Variants in CAB39 observed in about 807,000 individuals in gnomAD.
CAB39 encodes the protein calcium-binding protein 39.
Under a neutral mutation model 40.0 loss-of-function variants are expected in CAB39, and 8 were observed. That is an observed-to-expected ratio of 0.20 (90% confidence interval 0.12 to 0.36). CAB39 has a LOEUF of 0.36. Ranked by LOEUF, CAB39 falls within the 10% of genes least tolerant of loss-of-function variation. The pLI is 1.00. For missense variants in CAB39, 270 were observed against 401.1 expected, an observed-to-expected ratio of 0.67 and a Z score of 2.79; for synonymous variants, 156 against 141.6, an observed-to-expected ratio of 1.10 and a Z score of -0.72.
At chr2:230,744,219 C>G (rs961996060) in intron 1 of CAB39, among the ~76,000 whole-genome samples, 1 of 148,224 alleles carries the variant, frequency 6.7e-6, no homozygotes, top group East Asian at 2.1e-4. Flanking sequence ...GTGCCCAGCC[C>G]CATGATACAT....
At chr2:230,747,121 A>G (rs1434427869) in intron 1 of CAB39, among the ~76,000 whole-genome samples, 2 of 152,158 alleles carry the variant, frequency 1.3e-5, no homozygotes, top group Non-Finnish European at 2.9e-5. Context: ...GGGGAGGCCG[A>G]GGCAGGTGCA....
intron 1 of CAB39, among the ~76,000 whole-genome samples, chr2:230,752,573 A>C (rs1434595387): frequency 6.6e-6 from 1 of 152,214 alleles, no homozygotes; most frequent in Non-Finnish European, 1.5e-5. Context: ...CAGAGTCCTC[A>C]TGACCTAAAA....
intron 2 of CAB39, among the ~76,000 whole-genome samples, chr2:230,774,564 T>C (rs546923549): frequency 4.6e-5 from 7 of 152,314 alleles, no homozygotes; most frequent in African/African-American, 1.7e-4. Context: ...GCCCACCACA[T>C]GCTGTATAAA....
intron 1 of CAB39, among the ~76,000 whole-genome samples, chr2:230,734,157 G>A (rs190875628): frequency 1.3e-5 from 2 of 152,312 alleles, no homozygotes; most frequent in East Asian, 1.9e-4. Context: ...ACAAAACAGA[G>A]ATTTAGTAAA....
At chr2:230,817,377 G>A (rs536237919) in intron 7 of CAB39, among the ~76,000 whole-genome samples, 2 of 152,322 alleles carry the variant, frequency 1.3e-5, no homozygotes, top group East Asian at 3.9e-4. Context: ...AAGGTTTGTG[G>A]TTAGTTAACA....
intron 5 of CAB39, among the ~76,000 whole-genome samples, chr2:230,807,278 A>G (rs1162083824): frequency 6.6e-6 from 1 of 151,664 alleles, no homozygotes; most frequent in African/African-American, 2.4e-5. Flanking sequence ...TCACTAGGCT[A>G]AGGTTCCTTC....
Position 230,784,247 on chromosome 2 carries a change from C to T in CAB39, c.115-6625C>T, listed in dbSNP as rs146921105. On this transcript the variant is annotated intron_variant, in intron 2 of 8. Coordinates refer to ENST00000258418, the MANE Select transcript of CAB39 (RefSeq NM_016289.4). ...TCATCAGTGGTATCATTACATGAAACGGAACAAGGCAGGATATCAGGCACT... is the reference window on the plus strand; with the variant it reads ...TCATCAGTGGTATCATTACATGAAATGGAACAAGGCAGGATATCAGGCACT... Among the ~76,000 whole-genome samples the T allele has an allele frequency of 1.2e-4, 18 of 152,160 alleles. No individual in the cohort carries two copies. In the East Asian group the frequency reaches 2.3e-3, roughly 20 times the overall value.
intron 1 of CAB39, among the ~76,000 whole-genome samples, chr2:230,745,681 C>T (rs2124897201): frequency 6.6e-6 from 1 of 152,150 alleles, no homozygotes; most frequent in Non-Finnish European, 1.5e-5. Context: ...GGCTGGAGTG[C>T]AGTGGTGCCA....
intron 1 of CAB39, among the ~76,000 whole-genome samples, chr2:230,748,829 AAAATATATATATATATATATAT>A (rs1423176168): frequency 4.3e-4 from 20 of 46,428 alleles, no homozygotes; most frequent in South Asian, 3.0e-3. Context: ...AAAAAAAAAA[AAAATATATATATATATATATAT>A]ATATATATAT....
intron 2 of CAB39, among the ~76,000 whole-genome samples, chr2:230,777,560 C>T (rs1435513468): frequency 1.8e-4 from 27 of 151,824 alleles, no homozygotes; most frequent in Admixed American, 1.8e-3. Context: ...GCTGGGATTA[C>T]AGGTACCTGG....
chr2:230,721,883 A>G (rs1413884141), intron 1 of CAB39, among the ~76,000 whole-genome samples: 2 of 152,198 alleles, frequency 1.3e-5, no homozygotes, highest in Admixed American at 6.5e-5. Flanking sequence ...CCCAGGAAAT[A>G]CCCACAAACA....
chr2:230,812,030 A>G (rs911348574), intron 6 of CAB39, among the ~76,000 whole-genome samples: 42 of 152,270 alleles, frequency 2.8e-4, no homozygotes, highest in African/African-American at 9.9e-4. Flanking sequence ...TTAAAGCCAC[A>G]GGTGAGGTTA....
At chr2:230,759,815 G>T (rs1695257633) in intron 1 of CAB39, 144 bp from the exon 2 acceptor site, 1 of 447,684 alleles carries the variant, frequency 2.2e-6, no homozygotes, top group Non-Finnish European at 4.1e-6. Context: ...GCATATATTT[G>T]TGGATTTCCC....
chr2:230,753,492 C>A (rs1250060714), intron 1 of CAB39, among the ~76,000 whole-genome samples: 1 of 152,148 alleles, frequency 6.6e-6, no homozygotes, highest in Non-Finnish European at 1.5e-5. Flanking sequence ...TGGTGGCTCA[C>A]ACCTGTAATC....
At chr2:230,791,133 G>C in intron 3 of CAB39, 97 bp downstream of exon 3, 1 of 970,536 alleles carries the variant, frequency 1.0e-6, no homozygotes, top group Non-Finnish European at 1.5e-6. Context: ...TTCCTTTTGG[G>C]CTCTTGGCTC....
chr2:230,795,147 A>G (rs1243561467), intron 4 of CAB39, among the ~76,000 whole-genome samples: 1 of 152,036 alleles, frequency 6.6e-6, no homozygotes, highest in Non-Finnish European at 1.5e-5. Flanking sequence ...GTGGTGGCAC[A>G]CACCTGTAAT....
At chr2:230,734,902 CT>C (rs770892574) in intron 1 of CAB39, among the ~76,000 whole-genome samples, 1 of 152,150 alleles carries the variant, frequency 6.6e-6, no homozygotes, top group Non-Finnish European at 1.5e-5. Context: ...CATTATTAGT[CT>C]GCTGGTCTAA....
At chr2:230,806,871 GC>G (rs1297818356) in intron 5 of CAB39, among the ~76,000 whole-genome samples, 3 of 152,142 alleles carry the variant, frequency 2.0e-5, no homozygotes, top group African/African-American at 7.2e-5. Context: ...GTGAAAATAA[GC>G]CCCCTGGGTT....
chr2:230,739,846 GAGA>G (rs1040927079), intron 1 of CAB39, among the ~76,000 whole-genome samples: 1 of 152,178 alleles, frequency 6.6e-6, no homozygotes, highest in African/African-American at 2.4e-5. Flanking sequence ...GCCGTAATTG[GAGA>G]AGTTCAGCAT....
Sources: allele counts gnomAD v4.1 joint callset (sites outside exome capture counted in the v4.1 genomes callset), GRCh38; gene constraint gnomAD v4.1.1; transcripts MANE v1.5; gene names NCBI Gene and HGNC (gene_info 2026-07-23, HGNC 2026-07-21).